TMEM276: variants seen among roughly 807,000 people sequenced by gnomAD.
The protein encoded by TMEM276 is transmembrane protein 276.
At chr8:144,464,760 G>C in the TMEM276 span, 2 of 1,607,904 alleles carry the variant, frequency 1.2e-6, no homozygotes, top group East Asian at 2.2e-5. Flanking sequence ...AGGTCCTTGG[G>C]GTTTGGGAGG....
the TMEM276 span, chr8:144,464,607 A>C: frequency 4.4e-6 from 7 of 1,606,540 alleles, no homozygotes; most frequent in Non-Finnish European, 5.9e-6. Flanking sequence ...CAGCCCCTCG[A>C]CTTGCCTGTC....
chr8:144,463,990 C>T, the TMEM276 span: 5 of 1,515,454 alleles, frequency 3.3e-6, no homozygotes, highest in Non-Finnish European at 4.4e-6. Flanking sequence ...CCAGACTCTG[C>T]CCCTGACCAG....
At chr8:144,465,079 T>G in the TMEM276 span, 5 of 1,526,266 alleles carry the variant, frequency 3.3e-6, no homozygotes, top group Non-Finnish European at 4.4e-6. Flanking sequence ...TCCGGATCCC[T>G]GAGGCCACTG....
chr8:144,466,790 C>A, the TMEM276 span: 19 of 1,534,942 alleles, frequency 1.2e-5, no homozygotes, highest in African/African-American at 2.3e-4. Context: ...TCGCCGGCGC[C>A]CAGACCTGCC....
chr8:144,465,161 G>GTCC, the TMEM276 span: 1 of 1,383,400 alleles, frequency 7.2e-7, no homozygotes, highest in Non-Finnish European at 9.5e-7. Context: ...TCTAAGCTGG[G>GTCC]GGGAACGTCA....
chr8:144,466,521 G>T, the TMEM276 span: 1 of 1,263,464 alleles, frequency 7.9e-7, no homozygotes. Flanking sequence ...CCGCCCAGGT[G>T]AGCGGGGCTG....
At chr8:144,466,420 A>T in the TMEM276 span, 1 of 1,323,598 alleles carries the variant, frequency 7.6e-7, no homozygotes, top group Non-Finnish European at 9.8e-7. Flanking sequence ...CCGCGCTCCC[A>T]TGTACGCCTT....
At chr8:144,465,441 C>T in the TMEM276 span, 4 of 1,004,924 alleles carry the variant, frequency 4.0e-6, no homozygotes, top group East Asian at 1.1e-4. Flanking sequence ...CCTCCTCTGC[C>T]GTGCCCCCAG....
the TMEM276 span, chr8:144,464,424 C>A: frequency 6.2e-7 from 1 of 1,612,158 alleles, no homozygotes; most frequent in Non-Finnish European, 8.5e-7. Flanking sequence ...TGCCTCCTCC[C>A]AGGAGCAGGT....
At chr8:144,465,246 C>T in the TMEM276 span, 1 of 1,132,898 alleles carries the variant, frequency 8.8e-7, no homozygotes, top group Non-Finnish European at 1.1e-6. Context: ...CAGGCCCACG[C>T]GGCGGCCTCG....
the TMEM276 span, chr8:144,464,110 C>T: frequency 3.8e-6 from 6 of 1,597,190 alleles, no homozygotes; most frequent in African/African-American, 2.7e-5. Context: ...GAAACCCTGC[C>T]TGGCTGTATC....
At chr8:144,465,858 G>A in the TMEM276 span, among the ~76,000 whole-genome samples, 1 of 116,946 alleles carries the variant, frequency 8.6e-6, no homozygotes. Context: ...AGGATGCGAT[G>A]GGGGGGTCTG....
the TMEM276 span, chr8:144,464,703 TGGTCTTAG>T: frequency 6.3e-7 from 1 of 1,577,688 alleles, no homozygotes; most frequent in Non-Finnish European, 8.6e-7. Flanking sequence ...CATGGAGACC[TGGTCTTAG>T]ACGCACTTCC....
the TMEM276 span, chr8:144,464,155 A>G: frequency 1.2e-5 from 20 of 1,612,450 alleles, no homozygotes; most frequent in Non-Finnish European, 1.6e-5. Flanking sequence ...CTGTGTATGC[A>G]GGGCCCGGCA....
the TMEM276 span, chr8:144,465,535 G>C: frequency 3.1e-6 from 2 of 642,152 alleles, no homozygotes; most frequent in Non-Finnish European, 3.9e-6. Flanking sequence ...AGCGGCTGGG[G>C]GGGGAGGGTC....
At chr8:144,463,992 C>G in the TMEM276 span, 1 of 1,516,228 alleles carries the variant, frequency 6.6e-7, no homozygotes, top group Non-Finnish European at 8.8e-7. Flanking sequence ...AGACTCTGCC[C>G]CTGACCAGTC....
chr8:144,464,652 GCCGGGGTCAC>G, the TMEM276 span: 1 of 1,579,568 alleles, frequency 6.3e-7, no homozygotes, highest in South Asian at 1.2e-5. Context: ...GGAAAAAGAG[GCCGGGGTCAC>G]CCTTTTAAAC....
the TMEM276 span, chr8:144,464,257 C>T: frequency 6.2e-7 from 1 of 1,613,186 alleles, no homozygotes; most frequent in East Asian, 2.2e-5. Context: ...GCTCAGGAGG[C>T]CTGCCACACC....
chr8:144,465,429 T>C, the TMEM276 span: 4 of 1,009,300 alleles, frequency 4.0e-6, no homozygotes, highest in Non-Finnish European at 4.7e-6. Flanking sequence ...CCGTCGGCCC[T>C]GCCTCCTCTG....
Sources: gnomAD v4.1 joint callset for allele counts (sites outside exome capture counted in the v4.1 genomes callset) on GRCh38, gnomAD v4.1.1 for gene constraint, MANE v1.5 for transcripts, NCBI Gene and HGNC (gene_info 2026-07-23, HGNC 2026-07-21) for gene names.